SH3D19: variants seen among roughly 807,000 people sequenced by gnomAD.
The protein encoded by SH3D19 is SH3 domain containing 19.
A neutral mutation model predicts 112.1 loss-of-function variants in SH3D19; 58 were observed. That is an observed-to-expected ratio of 0.52 (90% CI 0.42 to 0.64). The LOEUF is 0.64. SH3D19 is among the 30% of genes least tolerant of loss of function. SH3D19 has a pLI of 0.00. For missense variants in SH3D19, 1,090 were observed against 1,263.4 expected (o/e 0.86, Z 2.08); for synonymous variants, 391 against 448.5 (o/e 0.87, Z 1.62).
chr4:151,180,411 CT>C (rs367719721), intron 3 of SH3D19, among the ~76,000 whole-genome samples: 30 of 130,748 alleles, frequency 2.3e-4, no homozygotes, highest in African/African-American at 4.9e-4. Flanking sequence ...ATTTTTTTTT[CT>C]TTTTTTTTTT....
chr4:151,266,737 G>A (rs1054165607), intron 1 of SH3D19, among the ~76,000 whole-genome samples: 1 of 152,156 alleles, frequency 6.6e-6, no homozygotes, highest in African/African-American at 2.4e-5. Flanking sequence ...GCTTATGGAA[G>A]ACCTGCCTAA....
chr4:151,230,868 C>T (rs1769554492), intron 1 of SH3D19, among the ~76,000 whole-genome samples: 2 of 152,034 alleles, frequency 1.3e-5, no homozygotes, highest in South Asian at 2.1e-4. Context: ...TGTGAGCCAC[C>T]ATCCCCGGCC....
At chr4:151,161,630 A>G (rs891637689) in intron 8 of SH3D19, among the ~76,000 whole-genome samples, 19 of 142,518 alleles carry the variant, frequency 1.3e-4, no homozygotes, top group Admixed American at 2.1e-4. Flanking sequence ...ATATATATAT[A>G]TATATATATA....
rs1332075650 is a variant in SH3D19 at position 151,132,366 on chromosome 4, T to G, written c.2707A>C (p.Lys903Gln). 1.2e-6 allele frequency: 2 copies of G among 1,613,838 alleles called. No individual in the cohort carries two copies. The highest frequency in any genetic ancestry group is 1.3e-5 in the African/African-American group (1 of 74,910). ...ANVLSTKVPL[K>Q]TKKEDSGSNS... is the part of the protein sequence containing the mutation. ...GAGCCAGAATCTTCTTTTTTGGTTT[T>G]CAGTGGTACCTTTGTGCCTACATTA... The change falls in exon 17 of 20, where the codon AAA becomes CAA. Residue 903 changes from lysine to glutamine, a missense_variant. Coordinates refer to ENST00000604030, the MANE Select transcript of SH3D19 (RefSeq NM_001378122.1).
intron 1 of SH3D19, among the ~76,000 whole-genome samples, chr4:151,265,396 G>A (rs2149992233): frequency 6.6e-6 from 1 of 151,138 alleles, no homozygotes; most frequent in South Asian, 2.1e-4. Flanking sequence ...GAAGATGATG[G>A]ATCTAGATAG....
chr4:151,128,452 G>A, intron 17 of SH3D19, 96 bp from the exon 18 acceptor site: 1 of 994,524 alleles, frequency 1.0e-6, no homozygotes, highest in Non-Finnish European at 1.4e-6. Context: ...AAAAACTAAG[G>A]GGTCTTAAGA....
chr4:151,175,673 T>C lies in SH3D19; in HGVS notation c.531A>G (p.Thr177=). ...GAAGAGGCTTGAGAGGTGCCTGTAG[T>C]GCTGACGAGACCAAAACAAAACCAA... ...SEEIDNDLPQ[T]LQAPLKPLQP... is the part of the protein sequence containing the mutation. Residue 177 remains threonine, a splice_region_variant and synonymous_variant, in exon 7 of 20, where the codon ACA becomes ACG. Coordinates refer to ENST00000604030, the MANE Select transcript of SH3D19 (RefSeq NM_001378122.1). 11 of 1,254,138 alleles carry C rather than the reference T, an allele frequency of 8.8e-6. No homozygotes were observed. The highest frequency in any genetic ancestry group is 1.0e-5 in the Non-Finnish European group (10 of 1,001,608). 77.7% of individuals were successfully genotyped at this position (1,254,138 alleles called of 1,614,324 possible).
At chr4:151,128,933 T>G (rs1014082996) in intron 17 of SH3D19, among the ~76,000 whole-genome samples, 8 of 152,096 alleles carry the variant, frequency 5.3e-5, no homozygotes, top group African/African-American at 1.9e-4. Context: ...TCCACCTCAC[T>G]CAGCCAAAAA....
At chr4:151,180,929 A>ATTTTT (rs67090009) in intron 3 of SH3D19, among the ~76,000 whole-genome samples, 4 of 132,050 alleles carry the variant, frequency 3.0e-5, no homozygotes, top group Non-Finnish European at 3.1e-5. Flanking sequence ...ATGCCCGGCT[A>ATTTTT]TTTTTTTTTT....
chr4:151,128,052 GCTC>G, intron 18 of SH3D19, 115 bp downstream of exon 18: 1 of 761,520 alleles, frequency 1.3e-6, no homozygotes, highest in African/African-American at 1.8e-5. Context: ...TCATGTATCA[GCTC>G]TTTCAAATAT....
intron 7 of SH3D19, among the ~76,000 whole-genome samples, chr4:151,172,605 G>A (rs966633879): frequency 5.9e-5 from 9 of 152,330 alleles, no homozygotes; most frequent in Non-Finnish European, 1.0e-4. Flanking sequence ...GGGCTTTCCT[G>A]CATAATCACA....
chr4:151,305,971 T>C (rs1728871001), intron 1 of SH3D19, among the ~76,000 whole-genome samples: 1 of 152,342 alleles, frequency 6.6e-6, no homozygotes, highest in Middle Eastern at 3.4e-3. Context: ...ACTATTGATA[T>C]AGTAACAAAA....
At chr4:151,238,420 T>C (rs1770296905) in intron 1 of SH3D19, among the ~76,000 whole-genome samples, 2 of 152,148 alleles carry the variant, frequency 1.3e-5, no homozygotes, top group Admixed American at 6.5e-5. Context: ...TTTTCAGCTG[T>C]TAAGGGTAAA....
intron 1 of SH3D19, among the ~76,000 whole-genome samples, chr4:151,316,926 G>A (rs927470576): frequency 1.3e-5 from 2 of 152,178 alleles, no homozygotes; most frequent in Admixed American, 6.5e-5. Context: ...TACCTGACAC[G>A]TATTTTCCTC....
chr4:151,174,688 C>T lies in SH3D19; in HGVS notation c.1516G>A (p.Gly506Ser). 1 of 1,513,770 alleles carries T rather than the reference C, an allele frequency of 6.6e-7. No individual in the cohort carries two copies. Among genetic ancestry groups the T allele is most frequent in the South Asian group, 1.4e-5 (1 of 73,492 alleles). 93.8% of individuals were successfully genotyped at this position (1,513,770 alleles called of 1,614,324 possible). The change falls in exon 7 of 20, where the codon GGT becomes AGT. Residue 506 changes from glycine (G) to serine (S), a missense_variant. Gly to Ser is a moderately conservative substitution (Grantham distance 56). Coordinates refer to ENST00000604030, the MANE Select transcript of SH3D19 (RefSeq NM_001378122.1). ...CACTCACCTAGAACCATCTCTGAAC[C>T]AACAGATTCTTCAGCCAGGTTCCCC... ...PSGNLAEESV[G>S]SEMVLDPFQL...
In SH3D19 at chr4:151,133,108, C is replaced by A; in HGVS notation, c.2615G>T (p.Gly872Val). ...NEEWARGEVR[G>V]RTGIFPLNFV... ...GTTCAGGGGGAAAATCCCAGTTCTG[C>A]CTCGAACTTCTCCTCTGGCCCATTC... Residue 872 changes from glycine (G) to valine (V), a missense_variant, in exon 16 of 20, where the codon GGC (glycine) becomes GTC (valine). Physicochemically the swap from Gly to Val is moderately radical, Grantham distance 109. Transcript: ENST00000604030. The A allele has an allele frequency of 6.2e-7, 1 of 1,614,112 alleles. No homozygotes were observed. Among genetic ancestry groups the A allele is most frequent in the African/African-American group, 1.3e-5 (1 of 75,046 alleles).
chr4:151,188,203 A>G (rs994031198), intron 2 of SH3D19, among the ~76,000 whole-genome samples: 2 of 152,214 alleles, frequency 1.3e-5, no homozygotes, highest in African/African-American at 4.8e-5. Context: ...CAAAAAATTG[A>G]CTAAGACAAT....
chr4:151,165,775 T>A, intron 7 of SH3D19, 79 bp from the exon 8 acceptor site: 2 of 1,179,278 alleles, frequency 1.7e-6, no homozygotes, highest in South Asian at 2.6e-5. Flanking sequence ...AATTTAAGAG[T>A]CATATTTTTC....
intron 2 of SH3D19, among the ~76,000 whole-genome samples, chr4:151,199,895 T>C (rs1035766044): frequency 1.9e-4 from 29 of 152,328 alleles, no homozygotes; most frequent in East Asian, 7.7e-4. Context: ...AATTCATATA[T>C]TGAAATCCTA....
Sources: gnomAD v4.1 joint callset for allele counts (sites outside exome capture counted in the v4.1 genomes callset) on GRCh38, gnomAD v4.1.1 for gene constraint, MANE v1.5 for transcripts, NCBI Gene and HGNC (gene_info 2026-07-23, HGNC 2026-07-21) for gene names.